Variants in PTPRD observed in about 807,000 individuals in gnomAD.
PTPRD encodes the protein protein tyrosine phosphatase receptor type D, also known as receptor-type tyrosine-protein phosphatase delta.
PTPRD carries 34 observed loss-of-function variants against 214.5 expected under a neutral mutation model. The observed-to-expected ratio is 0.16, with a 90% confidence interval of 0.12 to 0.21. PTPRD has a LOEUF of 0.21. Among genes scored for constraint, PTPRD ranks in the 10% least tolerant of loss-of-function variants. The pLI is 1.00. For missense variants in PTPRD, 2,545 were observed against 2,398.7 expected, an observed-to-expected ratio of 1.06 and a Z score of -1.27; for synonymous variants, 1,128 against 845.7, an observed-to-expected ratio of 1.33 and a Z score of -5.79.
intron 5 of PTPRD, among the ~76,000 whole-genome samples, chr9:9,767,681 C>T (rs1396756563): frequency 3.9e-5 from 6 of 152,084 alleles, no homozygotes; most frequent in Non-Finnish European, 5.9e-5. Flanking sequence ...CTAAAATTTC[C>T]AGAAAAAATC....
At chr9:9,211,382 GAATT>G (rs2099948502) in intron 9 of PTPRD, among the ~76,000 whole-genome samples, 1 of 152,040 alleles carries the variant, frequency 6.6e-6, no homozygotes, top group Admixed American at 6.6e-5. Context: ...AGGAATATAG[GAATT>G]AATGTTTGTA....
chr9:8,800,247 T>TA (rs1374876329), intron 11 of PTPRD, among the ~76,000 whole-genome samples: 1 of 152,072 alleles, frequency 6.6e-6, no homozygotes, highest in Non-Finnish European at 1.5e-5. Flanking sequence ...CATGTATATT[T>TA]AAAAAACACG....
chr9:10,547,594 T>G (rs2060433336), intron 2 of PTPRD, among the ~76,000 whole-genome samples: 1 of 152,060 alleles, frequency 6.6e-6, no homozygotes, highest in Non-Finnish European at 1.5e-5. Context: ...ATAATATATT[T>G]ATAGTATATG....
intron 5 of PTPRD, among the ~76,000 whole-genome samples, chr9:9,857,746 G>C (rs1357888992): frequency 2.6e-5 from 4 of 152,168 alleles, no homozygotes; most frequent in African/African-American, 9.7e-5. Context: ...GTCTGTTTCA[G>C]GGCAAACACT....
In PTPRD at chr9:8,459,126, C is replaced by T. The variant is rs902436501; in HGVS notation, c.3875+1285G>A. Among the ~76,000 whole-genome samples the T allele has an allele frequency of 4.0e-5, 6 of 151,870 alleles. No homozygotes were observed. The South Asian group carries it at 6.2e-4, about 16-fold the overall frequency. On this transcript the variant is annotated intron_variant, in intron 33 of 45. Transcript: ENST00000381196. ...AGGTTATGGGGGAAAAACGTTATTCCAGGGACAGAAGAGCAAGGGAGTGAG... is the reference window on the plus strand; with the variant it reads ...AGGTTATGGGGGAAAAACGTTATTCTAGGGACAGAAGAGCAAGGGAGTGAG...
At chr9:9,465,188 A>G (rs895615470) in intron 8 of PTPRD, among the ~76,000 whole-genome samples, 2 of 152,194 alleles carry the variant, frequency 1.3e-5, no homozygotes, top group African/African-American at 4.8e-5. Flanking sequence ...GTAGAAATGT[A>G]CCAGGTAATC....
chr9:9,574,951 C>T (rs1591965185), intron 7 of PTPRD, among the ~76,000 whole-genome samples, 170 bp from the exon 8 acceptor site: 1 of 152,106 alleles, frequency 6.6e-6, no homozygotes, highest in South Asian at 2.1e-4. Flanking sequence ...AATAGCATTA[C>T]CAGTTACTCA....
intron 11 of PTPRD, among the ~76,000 whole-genome samples, chr9:8,894,355 C>CAAA (rs34776407): frequency 0.015 from 1,092 of 74,418 alleles, 41 homozygotes; most frequent in African/African-American, 0.051. Context: ...GACTCCATCT[C>CAAA]AAAAAAAAAA....
At chr9:10,496,588 C>G (rs929232026) in intron 2 of PTPRD, among the ~76,000 whole-genome samples, 1 of 149,590 alleles carries the variant, frequency 6.7e-6, no homozygotes, top group Admixed American at 6.8e-5. Flanking sequence ...TATTAGCCTT[C>G]CCTTTTCTCT....
In PTPRD at chr9:9,601,153, G is replaced by GTGTAT. The variant is rs200355226; in HGVS notation, c.-286-26373_-286-26372insATACA. Reference sequence around the variant, plus strand: ...TGTGTGTGTGTGTGTGTGTGTGTATGGGGGGGGGAGAGTGGGGAGAGAGAG... The same window carrying GTGTAT: ...TGTGTGTGTGTGTGTGTGTGTGTATGTGTATGGGGGGGGAGAGTGGGGAGAGAGAG... On this transcript the variant is annotated intron_variant, in intron 7 of 45. Transcript: ENST00000381196. 2.4e-3 allele frequency among the ~76,000 whole-genome samples: 224 copies of GTGTAT among 94,060 alleles called. 1 individual carries two copies. Among genetic ancestry groups the GTGTAT allele is most frequent in the African/African-American group, 4.8e-3 (126 of 26,394 alleles). 61.7% of individuals were successfully genotyped at this position (94,060 alleles called of 152,430 possible).
intron 9 of PTPRD, among the ~76,000 whole-genome samples, chr9:9,215,233 C>G (rs1440016434): frequency 2.0e-5 from 3 of 152,144 alleles, no homozygotes; most frequent in African/African-American, 7.2e-5. Flanking sequence ...TTAATTGACT[C>G]AGTTGCAGAA....
chr9:10,321,259 C>G (rs1049604403), intron 3 of PTPRD, among the ~76,000 whole-genome samples: 24 of 151,942 alleles, frequency 1.6e-4, no homozygotes, highest in African/African-American at 5.1e-4. Flanking sequence ...ACACTCCTAA[C>G]AGAAACTGCA....
chr9:8,810,559 T>C (rs2096780862), intron 11 of PTPRD, among the ~76,000 whole-genome samples: 1 of 152,134 alleles, frequency 6.6e-6, no homozygotes, highest in Non-Finnish European at 1.5e-5. Context: ...CCAATCAGTT[T>C]CTCTTGATTG....
intron 34 of PTPRD, among the ~76,000 whole-genome samples, chr9:8,445,734 G>C (rs1338986199): frequency 2.6e-5 from 4 of 152,160 alleles, no homozygotes; most frequent in African/African-American, 7.2e-5. Flanking sequence ...CTCTGATGCA[G>C]CAATCGGTTA....
At chr9:10,465,223 A>G (rs1157473930) in intron 2 of PTPRD, among the ~76,000 whole-genome samples, 1 of 152,206 alleles carries the variant, frequency 6.6e-6, no homozygotes, top group African/African-American at 2.4e-5. Flanking sequence ...AGCACACACA[A>G]CAGACATTTG....
chr9:8,543,708 T>A (rs947569331), intron 14 of PTPRD, among the ~76,000 whole-genome samples: 3 of 152,236 alleles, frequency 2.0e-5, no homozygotes, highest in Admixed American at 6.5e-5. Flanking sequence ...AAAAAGACAT[T>A]TTCTTTTCCT....
At chr9:9,730,967 G>C (rs930959571) in intron 7 of PTPRD, among the ~76,000 whole-genome samples, 1 of 152,036 alleles carries the variant, frequency 6.6e-6, no homozygotes, top group East Asian at 1.9e-4. Context: ...CAAAATCCAG[G>C]TGCAGAAAAT....
intron 11 of PTPRD, among the ~76,000 whole-genome samples, chr9:8,970,688 C>G (rs2099232393): frequency 6.6e-6 from 1 of 151,792 alleles, no homozygotes; most frequent in African/African-American, 2.4e-5. Flanking sequence ...AAACTCAAAT[C>G]AGTGAGGTCA....
intron 2 of PTPRD, among the ~76,000 whole-genome samples, chr9:10,468,209 T>C (rs1488492843): frequency 2.6e-5 from 4 of 152,314 alleles, no homozygotes; most frequent in African/African-American, 9.6e-5. Flanking sequence ...CATATATGTT[T>C]ATTGCAGTAC....
Sources: gnomAD v4.1 joint callset for allele counts (sites outside exome capture counted in the v4.1 genomes callset) on GRCh38, gnomAD v4.1.1 for gene constraint, MANE v1.5 for transcripts, NCBI Gene and HGNC (gene_info 2026-07-23, HGNC 2026-07-21) for gene names.